PCSK5: variants seen among roughly 807,000 people sequenced by gnomAD.
PCSK5 encodes prohormone convertase 5.
In PCSK5, 129 loss-of-function variants were observed where a neutral mutation model predicts 233.2. The observed-to-expected ratio is 0.55, with a 90% CI of 0.48 to 0.64. The LOEUF is 0.64. PCSK5 is among the 30% of genes least tolerant of loss of function. The probability of loss-of-function intolerance (pLI) is 0.00; values close to 1 mark genes in which losing one functional copy is unlikely to be tolerated. For synonymous variants in PCSK5, 825 were observed against 879.2 expected, an observed-to-expected ratio of 0.94 and a Z score of 1.09; for missense variants, 2,076 against 2,430.1, an observed-to-expected ratio of 0.85 and a Z score of 3.06.
At chr9:76,281,847 C>T (rs1045971210) in intron 24 of PCSK5, among the ~76,000 whole-genome samples, 1 of 151,994 alleles carries the variant, frequency 6.6e-6, no homozygotes, top group Non-Finnish European at 1.5e-5. Flanking sequence ...TGGGGTTTTG[C>T]CACGTTGCCC....
At chr9:76,339,055 G>A (rs541812766) in intron 35 of PCSK5, among the ~76,000 whole-genome samples, 1 of 151,332 alleles carries the variant, frequency 6.6e-6, no homozygotes, top group African/African-American at 2.4e-5. Context: ...TCAGTATCTA[G>A]TATCACACCT....
At chr9:76,137,348 T>C (rs560300633) in intron 10 of PCSK5, among the ~76,000 whole-genome samples, 1 of 152,238 alleles carries the variant, frequency 6.6e-6, no homozygotes, top group East Asian at 1.9e-4. Context: ...TAAATGACCC[T>C]GTAATGAGAT....
intron 16 of PCSK5, 23 bp from the exon 17 acceptor site, chr9:76,184,650 C>T (rs1537183): frequency 0.97 from 1,492,542 of 1,533,600 alleles, 726,449 homozygotes; most frequent in East Asian, 1. Flanking sequence ...AACTGATTTA[C>T]AACTTTCTCT....
chr9:76,323,013 A>G (rs1363947571), intron 31 of PCSK5, 39 bp from the exon 32 acceptor site: 2 of 1,132,960 alleles, frequency 1.8e-6, no homozygotes, highest in Non-Finnish European at 2.6e-6. Context: ...CCTTTCTCCT[A>G]CCCCCCGGGG....
intron 3 of PCSK5, among the ~76,000 whole-genome samples, chr9:76,008,606 C>T (rs571653738): frequency 8.5e-5 from 13 of 152,110 alleles, no homozygotes; most frequent in African/African-American, 2.4e-4. Context: ...AGATTACAAG[C>T]GTGAGCCGCC....
chr9:76,112,292 C>T (rs914657932), intron 9 of PCSK5, among the ~76,000 whole-genome samples: 7 of 152,132 alleles, frequency 4.6e-5, no homozygotes, highest in African/African-American at 1.4e-4. Flanking sequence ...TAAAGAATCT[C>T]GTACAAATTC....
At chr9:76,000,975 G>T (rs1827236754) in intron 3 of PCSK5, among the ~76,000 whole-genome samples, 1 of 151,324 alleles carries the variant, frequency 6.6e-6, no homozygotes, top group South Asian at 2.1e-4. Context: ...GATTCTGATT[G>T]CTGTTGGATT....
intron 5 of PCSK5, among the ~76,000 whole-genome samples, chr9:76,060,494 C>A (rs954973233): frequency 2.2e-4 from 34 of 152,168 alleles, no homozygotes; most frequent in African/African-American, 7.2e-4. Context: ...GTCTTGCAGT[C>A]TCAGGGGTGG....
intron 7 of PCSK5, 37 bp downstream of exon 7, chr9:76,071,935 A>G (rs1316270521): frequency 7.1e-6 from 11 of 1,557,182 alleles, no homozygotes; most frequent in African/African-American, 2.7e-5. Flanking sequence ...TACTGTGTGG[A>G]TGGGTGATGA....
chr9:76,127,147 C>A (rs895345917), intron 9 of PCSK5, among the ~76,000 whole-genome samples: 1 of 152,070 alleles, frequency 6.6e-6, no homozygotes. Flanking sequence ...AATTTAGAAT[C>A]ATAATAATAA....
At position 76,175,084 on chromosome 9, in the gene PCSK5, C is replaced by A. The variant is rs983012852; in HGVS notation, c.1855C>A (p.Arg619=). The A allele has an allele frequency of 1.2e-6, 2 of 1,614,006 alleles. No individual in the cohort carries two copies. The change falls in exon 14 of 38, where the codon CGA becomes AGA. Residue 619 remains arginine, a synonymous_variant. Transcript: ENST00000674117. ...GAAAGTGGAACGGTTCCGCTATAGC[C>A]GAGTTGAAGACCCCACAGACGACTA... ...FPKVERFRYS[R]VEDPTDDYGT...
chr9:76,194,289 A>G (rs1174677845), intron 20 of PCSK5: 1 of 152,020 alleles, frequency 6.6e-6, no homozygotes, highest in African/African-American at 2.4e-5. Context: ...GGTGGGAAGC[A>G]TTTTGGATAT....
intron 7 of PCSK5, among the ~76,000 whole-genome samples, chr9:76,085,582 G>C (rs1159659312): frequency 6.6e-6 from 1 of 152,108 alleles, no homozygotes; most frequent in Non-Finnish European, 1.5e-5. Flanking sequence ...TAAATAATGC[G>C]AGCCTGATAA....
chr9:76,131,030 T>G (rs1362180546), intron 9 of PCSK5, among the ~76,000 whole-genome samples: 3 of 152,108 alleles, frequency 2.0e-5, no homozygotes, highest in Admixed American at 6.6e-5. Context: ...TCCAAGATAC[T>G]TGGCAGAGAG....
chr9:76,243,263 G>T (rs2131333558), intron 24 of PCSK5, among the ~76,000 whole-genome samples: 1 of 152,308 alleles, frequency 6.6e-6, no homozygotes, highest in South Asian at 2.1e-4. Flanking sequence ...TCTACTGTGT[G>T]CTGAGTGCTC....
intron 3 of PCSK5, among the ~76,000 whole-genome samples, chr9:76,001,834 G>A (rs75405194): frequency 0.019 from 2,934 of 152,242 alleles, 49 homozygotes; most frequent in Admixed American, 0.047. Context: ...AGATTAAAGA[G>A]ATCCATAATA....
At chr9:76,320,735 G>A (rs3892311) in intron 30 of PCSK5, among the ~76,000 whole-genome samples, 52,416 of 151,086 alleles carry the variant, frequency 0.35, 9,479 homozygotes, top group African/African-American at 0.43. Context: ...CAGCCTCCCA[G>A]AGTGCTGGGA....
chr9:75,955,862 G>C (rs960182225), intron 2 of PCSK5, among the ~76,000 whole-genome samples: 1 of 152,054 alleles, frequency 6.6e-6, no homozygotes, highest in African/African-American at 2.4e-5. Context: ...ACCCTCCAAC[G>C]TGCTATCACC....
Position 76,247,467 on chromosome 9 carries a change from T to C in PCSK5, c.3142+6783T>C, listed in dbSNP as rs1826651226. On this transcript the variant is annotated intron_variant, in intron 24 of 37. Transcript: ENST00000674117. ...TGATTGGCTATTTCTTTAACTCCTG[T>C]CTTTGCCTAATTAGCATTTTAGTGA... is the stretch of plus-strand genomic sequence containing the variant. 2.6e-5 allele frequency among the ~76,000 whole-genome samples: 4 copies of C among 152,152 alleles called. No individual in the cohort carries two copies. The South Asian group carries it at 8.3e-4, about 32-fold the overall frequency.
Sources: allele counts gnomAD v4.1 joint callset (sites outside exome capture counted in the v4.1 genomes callset), GRCh38; gene constraint gnomAD v4.1.1; transcripts MANE v1.5; gene names NCBI Gene and HGNC (gene_info 2026-07-23, HGNC 2026-07-21).